HNRNPUL2: variants seen among roughly 807,000 people sequenced by gnomAD.
The protein encoded by HNRNPUL2 is heterogeneous nuclear ribonucleoprotein U-like protein 2.
In HNRNPUL2, 27 loss-of-function variants were observed where a neutral mutation model predicts 102.2. The observed-to-expected ratio is 0.26, with a 90% CI of 0.19 to 0.36. The LOEUF (loss-of-function observed/expected upper bound fraction) is 0.36, where lower values mean the gene tolerates loss of function less well. Among genes scored for constraint, HNRNPUL2 ranks in the 10% least tolerant of loss-of-function variants. The pLI is 1.00. For missense variants in HNRNPUL2, 936 were observed against 981.1 expected, an observed-to-expected ratio of 0.95 and a Z score of 0.61; for synonymous variants, 458 against 387.2, an observed-to-expected ratio of 1.18 and a Z score of -2.15.
intron 11 of HNRNPUL2, among the ~76,000 whole-genome samples, chr11:62,716,668 A>G (rs530454467): frequency 6.6e-6 from 1 of 152,382 alleles, no homozygotes; most frequent in Non-Finnish European, 1.5e-5. Flanking sequence ...AGACAGGAAC[A>G]GTGACACTGG....
At chr11:62,720,970 G>A (rs1377343908) in intron 9 of HNRNPUL2, among the ~76,000 whole-genome samples, 1 of 151,696 alleles carries the variant, frequency 6.6e-6, no homozygotes, top group Non-Finnish European at 1.5e-5. Context: ...TACATGACAG[G>A]TATTATCCTG....
At chr11:62,715,832 A>G (rs1255122887) in intron 12 of HNRNPUL2, 32 bp downstream of exon 12, 1 of 1,594,016 alleles carries the variant, frequency 6.3e-7, no homozygotes, top group Non-Finnish European at 8.6e-7. Context: ...CTCACAGCCC[A>G]GAGTGAGGAG....
Position 62,723,686 on chromosome 11 carries a change from A to G in HNRNPUL2, c.792T>C (p.Tyr264=). Residue 264 remains tyrosine (Y), a synonymous_variant, in exon 4 of 14, where the codon TAT becomes TAC. Transcript: ENST00000301785. ...TCTCTGAGAAAAGTGGCTGCCCTCC[A>G]TAGCGGTCTTTGCTCACTTGAAAAT... The part of the protein sequence containing the change: ...DLHFQVSKDR[Y]GGQPLFSEKF... 6.2e-7 allele frequency: 1 copy of G among 1,614,204 alleles called. No individual in the cohort carries two copies. The highest frequency in any genetic ancestry group is 8.5e-7 in the Non-Finnish European group (1 of 1,180,042).
At chr11:62,716,921 G>C (rs1049520266) in intron 11 of HNRNPUL2, 68 bp downstream of exon 11, 4 of 1,553,092 alleles carry the variant, frequency 2.6e-6, no homozygotes, top group Non-Finnish European at 3.5e-6. Context: ...GCCTTCCCTT[G>C]CACATCTTGC....
chr11:62,722,506 T>C (rs1486758717), intron 6 of HNRNPUL2, 95 bp downstream of exon 6: 1 of 1,413,006 alleles, frequency 7.1e-7, no homozygotes, highest in East Asian at 2.3e-5. Context: ...ACACATCACA[T>C]GCATAAAAGC....
At position 62,714,434 on chromosome 11, in the gene HNRNPUL2, G is replaced by A. The variant is rs2083643471; in HGVS notation, c.*865C>T. 1 of 152,188 alleles carries A rather than the reference G, an allele frequency of 6.6e-6. No individual in the cohort carries two copies. The highest frequency in any genetic ancestry group is 1.9e-4 in the East Asian group (1 of 5,186). The allele number at this position is 152,188 out of a possible 1,614,324, so 9.4% of individuals were successfully genotyped here. A position where few individuals can be genotyped will look rare whatever the true frequency, so the allele number is the denominator to read the frequency against. On this transcript the variant is annotated 3_prime_UTR_variant, in exon 14 of 14. Coordinates refer to ENST00000301785, the MANE Select transcript of HNRNPUL2 (RefSeq NM_001079559.3). ...AGACCTCCCACCTCTCTCAACCTTG[G>A]AAGACAGAGACTAGAGACTGGCAAA...
intron 1 of HNRNPUL2, among the ~76,000 whole-genome samples, chr11:62,725,252 T>C (rs1337795389): frequency 1.3e-5 from 2 of 152,172 alleles, no homozygotes; most frequent in Non-Finnish European, 2.9e-5. Flanking sequence ...GGCTGGAGTG[T>C]AGTGGCGCGA....
In HNRNPUL2 at chr11:62,727,040, G is replaced by C. The variant is rs771047549; in HGVS notation, c.117C>G (p.Ala39=). Residue 39 remains alanine, a synonymous_variant, in exon 1 of 14, where the codon GCC becomes GCG. Coordinates refer to ENST00000301785, the MANE Select transcript of HNRNPUL2 (RefSeq NM_001079559.3). ...CGCCGGCCTCGTCCTCGAGCATCTC[G>C]GCGTCCAGCGCCTCCTGCAGCCGCT... ...LAQRLQEALD[A]EMLEDEAGGG... 3 of 1,405,192 alleles carry C rather than the reference G, an allele frequency of 2.1e-6. No individual in the cohort carries two copies. Among genetic ancestry groups the C allele is most frequent in the South Asian group, 1.5e-5 (1 of 68,168 alleles). 87.0% of individuals were successfully genotyped at this position (1,405,192 alleles called of 1,614,324 possible). A position where few individuals can be genotyped will look rare whatever the true frequency, so the allele number is the denominator to read the frequency against.
In HNRNPUL2 at chr11:62,726,603, G is replaced by A. The variant is rs1248780673; in HGVS notation, c.538+16C>T. 2.0e-6 allele frequency: 3 copies of A among 1,536,508 alleles called. No individual in the cohort carries two copies. The highest frequency in any genetic ancestry group is 2.8e-5 in the African/African-American group (2 of 72,674). On this transcript the variant is annotated intron_variant, in intron 1 of 13. Coordinates refer to ENST00000301785, the MANE Select transcript of HNRNPUL2 (RefSeq NM_001079559.3). ...AGCCGGCAGGTTGGAGCCGGGCTCG[G>A]CTGCCAGCTCCTCACCCTGTTCCTC...
intron 3 of HNRNPUL2, 39 bp downstream of exon 3, chr11:62,723,875 G>C: frequency 1.9e-6 from 3 of 1,603,190 alleles, no homozygotes; most frequent in East Asian, 2.2e-5. Context: ...ACTTTTAGGA[G>C]ATTAGTTAAA....
At chr11:62,719,595 G>C (rs1481949658) in intron 10 of HNRNPUL2, among the ~76,000 whole-genome samples, 1 of 152,226 alleles carries the variant, frequency 6.6e-6, no homozygotes, top group Non-Finnish European at 1.5e-5. Context: ...CAGTTGCTAA[G>C]AGACCTCAAT....
rs1332879768 is a variant in HNRNPUL2 at position 62,714,220 on chromosome 11, G to A, written c.*1079C>T. 1 of 141,522 alleles carries A rather than the reference G, an allele frequency of 7.1e-6. No individual in the cohort carries two copies. Among genetic ancestry groups the A allele is most frequent in the Admixed American group, 7.9e-5 (1 of 12,622 alleles). 8.8% of individuals were successfully genotyped at this position (141,522 alleles called of 1,614,324 possible). ...CAGCAGGGCACGAGCCCTCCACACT[G>A]TAGAAAATAGTTGCTAGTTGCTATT... On this transcript the variant is annotated 3_prime_UTR_variant, in exon 14 of 14. Coordinates refer to ENST00000301785, the MANE Select transcript of HNRNPUL2 (RefSeq NM_001079559.3).
At chr11:62,723,778 G>C (rs574978813) in intron 3 of HNRNPUL2, 52 bp from the exon 4 acceptor site, 2 of 1,611,230 alleles carry the variant, frequency 1.2e-6, no homozygotes, top group Non-Finnish European at 1.7e-6. Flanking sequence ...CTTGTAAGCC[G>C]CCAACAGAGC....
Position 62,714,273 on chromosome 11 carries a change from C to T in HNRNPUL2, c.*1026G>A, listed in dbSNP as rs1320964858. The T allele has an allele frequency of 6.6e-6, 1 of 152,138 alleles. No homozygotes were observed. The highest frequency in any genetic ancestry group is 1.5e-5 in the Non-Finnish European group (1 of 68,032). 9.4% of individuals were successfully genotyped at this position (152,138 alleles called of 1,614,324 possible). On this transcript the variant is annotated 3_prime_UTR_variant, in exon 14 of 14. Transcript: ENST00000301785. ...CAGCACCTGGGCCTGTGAGCCCACA[C>T]CACAGGATTCACCTATATACATATC... is the stretch of plus-strand genomic sequence containing the variant.
At chr11:62,722,413 C>T (rs749806151) in intron 6 of HNRNPUL2, 33 bp from the exon 7 acceptor site, 1 of 1,604,052 alleles carries the variant, frequency 6.2e-7, no homozygotes, top group South Asian at 1.1e-5. Context: ...CACTTATTGG[C>T]TGACGAGGCT....
At position 62,726,871 on chromosome 11, in the gene HNRNPUL2, C is replaced by G; in HGVS notation, c.286G>C (p.Glu96Gln). ...EEALLEDEDE[E>Q]PPPAQALGQA... ...CCCAAGGCTTGAGCAGGGGGTGGCT[C>G]CTCGTCCTCGTCCTCAAGCAGCGCC... The change falls in exon 1 of 14, where the codon GAG becomes CAG. Residue 96 changes from glutamate to glutamine, a missense_variant. Glu to Gln is a conservative substitution (Grantham distance 29). Transcript: ENST00000301785. 6.3e-7 allele frequency: 1 copy of G among 1,579,648 alleles called. No homozygotes were observed. Among genetic ancestry groups the G allele is most frequent in the Non-Finnish European group, 8.5e-7 (1 of 1,171,774 alleles).
At chr11:62,722,976 G>C (rs1262048514) in intron 4 of HNRNPUL2, 73 bp from the exon 5 acceptor site, 1 of 1,113,626 alleles carries the variant, frequency 9.0e-7, no homozygotes, top group South Asian at 1.3e-5. Context: ...CGAAGGACAA[G>C]ATTTTTATAC....
At chr11:62,721,459 A>C (rs1565161977) in intron 8 of HNRNPUL2, 36 bp from the exon 9 acceptor site, 2 of 1,549,218 alleles carry the variant, frequency 1.3e-6, no homozygotes, top group Non-Finnish European at 8.7e-7. Context: ...AAAAAAAACA[A>C]AACACAAGTT....
In HNRNPUL2 at chr11:62,727,149, A is replaced by ACCTCCATCG. The variant is rs2083760852; in HGVS notation, c.-2_7dup (p.Glu2_Val3insAlaMetGlu). The ACCTCCATCG allele has an allele frequency of 1.4e-6, 2 of 1,432,372 alleles. No individual in the cohort carries two copies. The highest frequency in any genetic ancestry group is 3.1e-5 in the East Asian group (1 of 31,788). The allele number at this position is 1,432,372 out of a possible 1,614,324, so 88.7% of individuals were successfully genotyped here. ...CAGCTCGGTCACTTTCAGCCGCTTC[A>ACCTCCATCG]CCTCCATCGCCGCCGCCGCCTCCTC... On this transcript the variant is annotated inframe_insertion, in exon 1 of 14. Coordinates refer to ENST00000301785, the MANE Select transcript of HNRNPUL2 (RefSeq NM_001079559.3).
Sources: allele counts gnomAD v4.1 joint callset (sites outside exome capture counted in the v4.1 genomes callset), GRCh38; gene constraint gnomAD v4.1.1; transcripts MANE v1.5; gene names NCBI Gene and HGNC (gene_info 2026-07-23, HGNC 2026-07-21).